The following NEBL variants were observed in gnomAD, a reference collection of about 807,000 sequenced individuals.
NEBL encodes nebulette, also known as LIM and SH3 protein 2.
A neutral mutation model predicts 140.2 loss-of-function variants in NEBL; 122 were observed. The observed-to-expected ratio is 0.87, with a 90% confidence interval of 0.75 to 1.01. The LOEUF is 1.01. NEBL is among the 50% of genes least tolerant of loss of function. The probability of loss-of-function intolerance (pLI) is 0.00; values close to 1 mark genes in which losing one functional copy is unlikely to be tolerated. For synonymous variants in NEBL, 436 were observed against 398.9 expected (o/e 1.09, Z -1.11); for missense variants, 1,365 against 1,231.3 (o/e 1.11, Z -1.62).
chr10:20,941,285 C>G (rs565798456), intron 4 of NEBL, among the ~76,000 whole-genome samples: 2 of 152,142 alleles, frequency 1.3e-5, no homozygotes, highest in African/African-American at 4.8e-5. Context: ...GTTCAACATA[C>G]GCAAATCAAT....
At chr10:21,051,194 A>G (rs1834765420) in intron 2 of NEBL, among the ~76,000 whole-genome samples, 1 of 152,230 alleles carries the variant, frequency 6.6e-6, no homozygotes, top group Non-Finnish European at 1.5e-5. Flanking sequence ...TTACACAAGA[A>G]GCCAATCAGA....
chr10:20,854,510 A>C (rs943018189), intron 9 of NEBL, among the ~76,000 whole-genome samples: 1 of 151,752 alleles, frequency 6.6e-6, no homozygotes, highest in Non-Finnish European at 1.5e-5. Context: ...CCAGAATAAA[A>C]TCAGGGAGGA....
chr10:21,186,992 G>A (rs1841484539), intron 3 of NEBL, among the ~76,000 whole-genome samples: 1 of 74,704 alleles, frequency 1.3e-5, no homozygotes, highest in African/African-American at 9.0e-5. Context: ...CTCTGTATGT[G>A]TGTGTGTGTG....
intron 2 of NEBL, among the ~76,000 whole-genome samples, chr10:21,025,999 G>A (rs1212735578): frequency 6.6e-6 from 1 of 152,102 alleles, no homozygotes; most frequent in Admixed American, 6.5e-5. Flanking sequence ...TAACCTCTGT[G>A]TCTCACGACC....
intron 21 of NEBL, 127 bp from the exon 22 acceptor site, chr10:20,815,844 C>T (rs924239622): frequency 1.4e-6 from 1 of 728,712 alleles, no homozygotes; most frequent in South Asian, 1.5e-5. Flanking sequence ...TCTTTGCTCA[C>T]CACAGCCTCG....
intron 4 of NEBL, among the ~76,000 whole-genome samples, chr10:20,937,811 G>A (rs1042987113): frequency 6.6e-6 from 1 of 152,176 alleles, no homozygotes; most frequent in Non-Finnish European, 1.5e-5. Flanking sequence ...CTGGCTCAGA[G>A]GGTCCTACAC....
chr10:20,827,426 C>T (rs1026342605), intron 17 of NEBL, among the ~76,000 whole-genome samples: 16 of 152,190 alleles, frequency 1.1e-4, no homozygotes, highest in Non-Finnish European at 1.3e-4. Context: ...TGAGAGCTGG[C>T]GCTTGCCAAC....
chr10:21,088,603 G>A (rs1208079615), intron 2 of NEBL, among the ~76,000 whole-genome samples: 2 of 152,146 alleles, frequency 1.3e-5, no homozygotes, highest in African/African-American at 2.4e-5. Flanking sequence ...CTGCGGGGAT[G>A]GAAACTAGAA....
upstream of NEBL, among the ~76,000 whole-genome samples, chr10:20,897,794 T>C (rs571593757): frequency 3.3e-5 from 5 of 152,366 alleles, no homozygotes; most frequent in African/African-American, 1.2e-4. Flanking sequence ...ACCCACTTTA[T>C]ATTAGCTGAT....
intron 2 of NEBL, among the ~76,000 whole-genome samples, chr10:21,031,345 C>T (rs1368495614): frequency 6.6e-6 from 1 of 152,168 alleles, no homozygotes; most frequent in Non-Finnish European, 1.5e-5. Context: ...CATGCTCAAA[C>T]AAAGAGGTTT....
intron 2 of NEBL, among the ~76,000 whole-genome samples, chr10:21,149,230 G>GAAGCTCTGTAACCCTTCCTCACCTTAA: frequency 6.6e-6 from 1 of 152,204 alleles, no homozygotes; most frequent in East Asian, 1.9e-4. Flanking sequence ...GGAGGGCAGG[G>GAAGCTCTGTAACCCTTCCTCACCTTAA]AAGCTCTGTA....
At chr10:21,050,766 C>T (rs1834742606) in intron 2 of NEBL, among the ~76,000 whole-genome samples, 1 of 152,166 alleles carries the variant, frequency 6.6e-6, no homozygotes, top group African/African-American at 2.4e-5. Context: ...ACACAGATGA[C>T]ATTCTAGGTT....
chr10:21,198,950 GA>G (rs1841692609), intron 3 of NEBL, among the ~76,000 whole-genome samples: 1 of 151,882 alleles, frequency 6.6e-6, no homozygotes, highest in African/African-American at 2.4e-5. Context: ...GGGCCTAAAA[GA>G]GATTAATTTT....
intron 4 of NEBL, among the ~76,000 whole-genome samples, chr10:20,886,403 C>T (rs989865675): frequency 2.0e-5 from 3 of 151,744 alleles, no homozygotes; most frequent in African/African-American, 4.8e-5. Context: ...GTGGTGTGCG[C>T]CTGTAATGCC....
chr10:21,147,840 C>G (rs1839968363), intron 2 of NEBL, among the ~76,000 whole-genome samples: 1 of 152,210 alleles, frequency 6.6e-6, no homozygotes, highest in South Asian at 2.1e-4. Context: ...AATCTTTGTA[C>G]TGGCCTTCCT....
rs61704937 is a variant in NEBL at position 21,240,907 on chromosome 10, T to TACACACACAC, written n.348+7004_348+7013dup. 5.9e-3 allele frequency among the ~76,000 whole-genome samples: 817 copies of TACACACACAC among 137,364 alleles called. 7 individuals carry two copies. The highest frequency in any genetic ancestry group is 0.019 in the East Asian group (84 of 4,416). 90.1% of individuals were successfully genotyped at this position (137,364 alleles called of 152,430 possible). A position where few individuals can be genotyped will look rare whatever the true frequency, so the allele number is the denominator to read the frequency against. ...CAGAACAGGGCAAAACACGCACACATACACACACACACACACACACACACA... is the reference window on the plus strand; with the variant it reads ...CAGAACAGGGCAAAACACGCACACATACACACACACACACACACACACACACACACACACA... On this transcript the variant is annotated intron_variant and non_coding_transcript_variant, in intron 3 of 8. Coordinates refer to the NEBL transcript ENST00000675702.
chr10:20,866,826 A>G (rs1844341818), intron 7 of NEBL, among the ~76,000 whole-genome samples: 1 of 151,996 alleles, frequency 6.6e-6, no homozygotes, highest in Non-Finnish European at 1.5e-5. Flanking sequence ...GCATCTTTTC[A>G]CCTGTTGATT....
In NEBL at chr10:21,061,784, C is replaced by T. The variant is rs562936197; in HGVS notation, c.165-41583G>A. ...CACAGAGTGGATAAGGACTGAGCCA[C>T]CTAAATAATATGACTGCTTGGCAGG... On this transcript the variant is annotated intron_variant, in intron 2 of 6. Coordinates refer to the NEBL transcript ENST00000417816. 3.3e-5 allele frequency among the ~76,000 whole-genome samples: 5 copies of T among 152,252 alleles called. No homozygotes were observed. The South Asian group carries it at 1.0e-3, about 32-fold the overall frequency.
intron 2 of NEBL, among the ~76,000 whole-genome samples, chr10:21,070,984 C>T (rs988513819): frequency 3.3e-5 from 5 of 151,768 alleles, no homozygotes; most frequent in African/African-American, 1.2e-4. Flanking sequence ...CAAAACCAGC[C>T]CAGGCAACAT....
Sources: allele counts gnomAD v4.1 joint callset (sites outside exome capture counted in the v4.1 genomes callset), GRCh38; gene constraint gnomAD v4.1.1; transcripts MANE v1.5; gene names NCBI Gene and HGNC (gene_info 2026-07-23, HGNC 2026-07-21).